Variants in SLC4A8 observed in about 807,000 individuals in gnomAD.
SLC4A8 encodes the protein solute carrier family 4 member 8.
SLC4A8 carries 40 observed loss-of-function variants against 125.0 expected under a neutral mutation model. The ratio of observed to expected loss-of-function variants is 0.32; its 90% confidence interval spans 0.25 to 0.42. The LOEUF is 0.42. Ranked by LOEUF, SLC4A8 falls within the 10% of genes least tolerant of loss-of-function variation. The pLI is 1.00. For synonymous variants in SLC4A8, 456 were observed against 476.0 expected (o/e 0.96, Z 0.55); for missense variants, 863 against 1,355.1 (o/e 0.64, Z 5.70).
chr12:51,410,581 C>A (rs1026910563), intron 1 of SLC4A8, among the ~76,000 whole-genome samples: 2 of 152,022 alleles, frequency 1.3e-5, no homozygotes, highest in Non-Finnish European at 2.9e-5. Context: ...TCTCAGCCTC[C>A]CGAATAGCTG....
At chr12:51,453,429 T>C (rs1025064528) in intron 4 of SLC4A8, 110 bp from the exon 5 acceptor site, 2 of 1,103,288 alleles carry the variant, frequency 1.8e-6, no homozygotes, top group Non-Finnish European at 2.6e-6. Flanking sequence ...GATTTTACAA[T>C]GTTCAGTATG....
chr12:51,475,023 C>A (rs775957857), intron 15 of SLC4A8, 22 bp from the exon 16 acceptor site: 1 of 1,609,762 alleles, frequency 6.2e-7, no homozygotes, highest in Admixed American at 1.7e-5. Flanking sequence ...CCTTTCATCA[C>A]CCAGAATGCT....
intron 2 of SLC4A8, among the ~76,000 whole-genome samples, chr12:51,447,970 C>T (rs1004905326): frequency 1.3e-5 from 2 of 151,974 alleles, no homozygotes; most frequent in East Asian, 1.9e-4. Flanking sequence ...CCGCCTGCCT[C>T]GGCCTCCCAA....
chr12:51,440,865 C>A, intron 2 of SLC4A8, 76 bp downstream of exon 2: 1 of 1,238,542 alleles, frequency 8.1e-7, no homozygotes, highest in Non-Finnish European at 1.1e-6. Flanking sequence ...GCTCTGTGTC[C>A]TAACTCTCTC....
chr12:51,506,045 C>G (rs142610025), intron 24 of SLC4A8, 115 bp downstream of exon 24: 10 of 610,100 alleles, frequency 1.6e-5, no homozygotes, highest in Non-Finnish European at 3.0e-5. Flanking sequence ...AATAGCACTT[C>G]CAGGAACTGC....
At chr12:51,400,853 C>A (rs1330384239) in intron 1 of SLC4A8, among the ~76,000 whole-genome samples, 1 of 125,658 alleles carries the variant, frequency 8.0e-6, no homozygotes, top group Non-Finnish European at 1.6e-5. Context: ...TGTTTATATA[C>A]GTATATAAAC....
At chr12:51,500,348 C>T (rs1019211267) in intron 22 of SLC4A8, among the ~76,000 whole-genome samples, 1 of 152,158 alleles carries the variant, frequency 6.6e-6, no homozygotes, top group Non-Finnish European at 1.5e-5. Context: ...TTCTCCACCT[C>T]ATAGCCAACA....
chr12:51,443,779 C>T (rs564308688), intron 2 of SLC4A8, among the ~76,000 whole-genome samples: 7 of 152,262 alleles, frequency 4.6e-5, no homozygotes, highest in East Asian at 3.9e-4. Context: ...CCAGAGGAGC[C>T]GAGCACCCTG....
chr12:51,479,984 T>A, intron 16 of SLC4A8: 1 of 401,548 alleles, frequency 2.5e-6, no homozygotes, highest in Non-Finnish European at 4.9e-6. Flanking sequence ...TTTTTTTTTT[T>A]TTTTCAGATG....
chr12:51,495,328 C>T (rs1951432574), intron 21 of SLC4A8, among the ~76,000 whole-genome samples: 1 of 152,106 alleles, frequency 6.6e-6, no homozygotes, highest in Non-Finnish European at 1.5e-5. Context: ...ACTAAATTTC[C>T]ATTCTCCCAT....
intron 6 of SLC4A8, among the ~76,000 whole-genome samples, chr12:51,458,013 A>G (rs775350149): frequency 7.2e-5 from 11 of 152,134 alleles, no homozygotes; most frequent in East Asian, 1.9e-4. Context: ...TTTCTTACCT[A>G]TAAAGTAAGA....
chr12:51,392,153 C>A (rs1327878099), intron 1 of SLC4A8: 1 of 152,546 alleles, frequency 6.6e-6, no homozygotes, highest in Non-Finnish European at 1.5e-5. Flanking sequence ...AATCCCAGCC[C>A]CAGCAAACTT....
upstream of SLC4A8, among the ~76,000 whole-genome samples, chr12:51,420,516 T>C (rs1948766206): frequency 6.6e-6 from 1 of 152,234 alleles, no homozygotes; most frequent in African/African-American, 2.4e-5. Flanking sequence ...TGCCTCATGC[T>C]TCCTTGAGAA....
chr12:51,473,784 G>C (rs897745938), intron 14 of SLC4A8, among the ~76,000 whole-genome samples: 1 of 152,214 alleles, frequency 6.6e-6, no homozygotes, highest in Non-Finnish European at 1.5e-5. Flanking sequence ...GCTCTACCAT[G>C]AGCGGCCAGG....
At chr12:51,473,810 T>TG (rs1950778868) in intron 14 of SLC4A8, among the ~76,000 whole-genome samples, 1 of 152,128 alleles carries the variant, frequency 6.6e-6, no homozygotes, top group South Asian at 2.1e-4. Flanking sequence ...GCCAAGGTAG[T>TG]GGGGTATTAC....
At chr12:51,397,155 C>CCTGACCT (rs1948280192) in intron 1 of SLC4A8, among the ~76,000 whole-genome samples, 1 of 152,038 alleles carries the variant, frequency 6.6e-6, no homozygotes. Flanking sequence ...GTCTTGAACT[C>CCTGACCT]CTGACCTCGT....
chr12:51,402,923 G>A, intron 1 of SLC4A8: 1 of 285,860 alleles, frequency 3.5e-6, no homozygotes. Flanking sequence ...TATGGGAGAG[G>A]CATGTCTCAG....
chr12:51,447,056 G>GTCTGTCTATCTATCTATCTA (rs1949793767), intron 2 of SLC4A8, among the ~76,000 whole-genome samples: 3 of 147,320 alleles, frequency 2.0e-5, no homozygotes, highest in South Asian at 2.2e-4. Context: ...CTGTCTGTCT[G>GTCTGTCTATCTATCTATCTA]TCTATCTATC....
Position 51,493,849 on chromosome 12 carries a change from A to G in SLC4A8, c.2769+77A>G, listed in dbSNP as rs1025236974. The G allele has an allele frequency of 2.6e-5, 23 of 898,260 alleles. No individual in the cohort carries two copies. In the African/African-American group the frequency reaches 3.0e-4, roughly 12 times the overall value. The allele number at this position is 898,260 out of a possible 1,614,324, so 55.6% of individuals were successfully genotyped here. On this transcript the variant is annotated intron_variant, in intron 20 of 24. Transcript: ENST00000453097. ...CCTGTCCAGGGAGGGACAGCTCCCCAAGAGAAGCACAACCAGTTCTTGAGA... is the reference window on the plus strand; with the variant it reads ...CCTGTCCAGGGAGGGACAGCTCCCCGAGAGAAGCACAACCAGTTCTTGAGA...
Sources: allele counts gnomAD v4.1 joint callset (sites outside exome capture counted in the v4.1 genomes callset), GRCh38; gene constraint gnomAD v4.1.1; transcripts MANE v1.5; gene names NCBI Gene and HGNC (gene_info 2026-07-23, HGNC 2026-07-21).